Variants in TMPRSS15 observed in about 807,000 individuals in gnomAD.
TMPRSS15 encodes transmembrane serine protease 15.
In TMPRSS15, 128 loss-of-function variants were observed where a neutral mutation model predicts 125.3. The observed-to-expected ratio is 1.02, with a 90% confidence interval of 0.89 to 1.18. The LOEUF (loss-of-function observed/expected upper bound fraction) is 1.18, where lower values mean the gene tolerates loss of function less well. Ranked by LOEUF, TMPRSS15 falls within the 50% of genes most tolerant of loss-of-function variation. The pLI is 0.00. For synonymous variants in TMPRSS15, 446 were observed against 423.2 expected (o/e 1.05, Z -0.66); for missense variants, 1,283 against 1,212.7 (o/e 1.06, Z -0.86).
intron 14 of TMPRSS15, among the ~76,000 whole-genome samples, chr21:18,331,335 G>A (rs2075343529): frequency 6.6e-6 from 1 of 152,080 alleles, no homozygotes; most frequent in African/African-American, 2.4e-5. Flanking sequence ...TAGCTTAGTG[G>A]CCTTAACAAG....
intron 1 of TMPRSS15, among the ~76,000 whole-genome samples, chr21:18,437,521 C>T (rs935090784): frequency 7.2e-5 from 11 of 152,122 alleles, no homozygotes; most frequent in Admixed American, 1.3e-4. Context: ...AAAAAACTAC[C>T]GTCAGAGTGA....
At chr21:18,362,059 C>T (rs913526439) in intron 7 of TMPRSS15, among the ~76,000 whole-genome samples, 1 of 152,058 alleles carries the variant, frequency 6.6e-6, no homozygotes, top group Non-Finnish European at 1.5e-5. Flanking sequence ...AGATGCTACA[C>T]TCATGGCTAC....
intron 1 of TMPRSS15, among the ~76,000 whole-genome samples, chr21:18,400,987 A>G (rs922455702): frequency 5.4e-4 from 83 of 152,318 alleles, no homozygotes; most frequent in African/African-American, 1.8e-3. Flanking sequence ...AATACTCATC[A>G]CCACTAATCA....
At chr21:18,442,863 C>T (rs769040956) in intron 1 of TMPRSS15, among the ~76,000 whole-genome samples, 16 of 152,134 alleles carry the variant, frequency 1.1e-4, no homozygotes, top group South Asian at 2.1e-4. Context: ...ACGATTCTGA[C>T]GTATCAATTC....
At chr21:18,395,633 T>A (rs2095200906) in intron 3 of TMPRSS15, among the ~76,000 whole-genome samples, 1 of 152,208 alleles carries the variant, frequency 6.6e-6, no homozygotes, top group Non-Finnish European at 1.5e-5. Flanking sequence ...CTTAACCTTT[T>A]CAAAAATAAT....
chr21:18,453,229 G>C (rs901894153), intron 1 of TMPRSS15, among the ~76,000 whole-genome samples: 1 of 151,964 alleles, frequency 6.6e-6, no homozygotes, highest in Non-Finnish European at 1.5e-5. Context: ...TTAAATCCAG[G>C]CATCTGGATC....
intron 24 of TMPRSS15, among the ~76,000 whole-genome samples, chr21:18,272,873 C>G (rs2074576386): frequency 6.6e-6 from 1 of 151,946 alleles, no homozygotes; most frequent in African/African-American, 2.4e-5. Flanking sequence ...AAATCAGTAC[C>G]TTCTTTGAGT....
At chr21:18,322,332 C>A (rs974709087) in intron 16 of TMPRSS15, among the ~76,000 whole-genome samples, 1 of 152,186 alleles carries the variant, frequency 6.6e-6, no homozygotes, top group Admixed American at 6.5e-5. Context: ...AATATAAAAA[C>A]TAAAAATATA....
At chr21:18,385,191 T>C (rs936654499) in intron 3 of TMPRSS15, among the ~76,000 whole-genome samples, 2 of 152,236 alleles carry the variant, frequency 1.3e-5, no homozygotes, top group African/African-American at 4.8e-5. Flanking sequence ...TAGCCAAATC[T>C]TGTAAATGAG....
chr21:18,279,103 G>T (rs1601256613), intron 22 of TMPRSS15, 44 bp from the exon 23 acceptor site: 2 of 997,136 alleles, frequency 2.0e-6, no homozygotes, highest in East Asian at 2.6e-5. Flanking sequence ...CGAAGAAAAA[G>T]AAAGAACAGA....
intron 8 of TMPRSS15, among the ~76,000 whole-genome samples, chr21:18,356,034 A>C (rs548551726): frequency 1.1e-4 from 16 of 152,014 alleles, no homozygotes; most frequent in African/African-American, 3.9e-4. Context: ...ACAACTGATA[A>C]ATTTTTAGAC....
At chr21:18,372,132 G>GTGTGTGTGTGTGTA in intron 6 of TMPRSS15, 61 bp downstream of exon 6, 1 of 1,427,528 alleles carries the variant, frequency 7.0e-7, no homozygotes, top group Non-Finnish European at 9.8e-7. Flanking sequence ...GTGTGTGTGT[G>GTGTGTGTGTGTGTA]TGTGTGTCTA....
At chr21:18,302,194 C>G (rs2074980000) in intron 18 of TMPRSS15, among the ~76,000 whole-genome samples, 1 of 152,104 alleles carries the variant, frequency 6.6e-6, no homozygotes, top group Admixed American at 6.5e-5. Context: ...CATTTCACAC[C>G]CCAAAAGGTT....
chr21:18,461,267 A>C (rs1302100881), intron 1 of TMPRSS15, among the ~76,000 whole-genome samples: 1 of 152,122 alleles, frequency 6.6e-6, no homozygotes, highest in Non-Finnish European at 1.5e-5. Context: ...GTTTTTCTAC[A>C]TGTAGTTACA....
intron 7 of TMPRSS15, among the ~76,000 whole-genome samples, chr21:18,364,842 T>C (rs1201708640): frequency 6.6e-6 from 1 of 152,168 alleles, no homozygotes; most frequent in African/African-American, 2.4e-5. Flanking sequence ...TACACAGACA[T>C]ACATGTATGT....
intron 1 of TMPRSS15, among the ~76,000 whole-genome samples, chr21:18,460,899 T>A (rs1978539413): frequency 6.6e-6 from 1 of 152,180 alleles, no homozygotes; most frequent in African/African-American, 2.4e-5. Context: ...TTATTGCTAT[T>A]TCCTTCAATG....
Position 18,359,801 on chromosome 21 carries a change from A to C in TMPRSS15, c.836T>G (p.Ile279Arg). Residue 279 changes from isoleucine to arginine, a missense_variant, in exon 8 of 25, where the codon ATA becomes AGA. Coordinates refer to ENST00000284885, the MANE Select transcript of TMPRSS15 (RefSeq NM_002772.3). ...TCCTACACCTTCATAAATATCTAAT[A>C]TATCTGTATAATATGTATTAAAATC... The part of the protein sequence containing the change: ...FDDFNTYYTD[I>R]LDIYEGVGSS... 5 of 1,519,494 alleles carry C rather than the reference A, an allele frequency of 3.3e-6. No individual in the cohort carries two copies. Among genetic ancestry groups the C allele is most frequent in the Non-Finnish European group, 4.6e-6 (5 of 1,096,566 alleles). 94.1% of individuals were successfully genotyped at this position (1,519,494 alleles called of 1,614,324 possible).
At chr21:18,303,918 C>T (rs777794952) in intron 18 of TMPRSS15, among the ~76,000 whole-genome samples, 4 of 152,034 alleles carry the variant, frequency 2.6e-5, no homozygotes, top group African/African-American at 7.2e-5. Flanking sequence ...TGCAAAGAAA[C>T]GACATTTCAC....
At position 18,482,149 on chromosome 21, in the gene TMPRSS15, T is replaced by G. The variant is rs543195216; in HGVS notation, c.10+3650A>C. Among the ~76,000 whole-genome samples the G allele has an allele frequency of 3.3e-5, 5 of 151,574 alleles. No homozygotes were observed. In the South Asian group the frequency reaches 1.0e-3, roughly 31 times the overall value. Reference sequence around the variant, plus strand: ...GTATTGCTTCATTTTTTTCATTTTCTTCTCATCATATTAACCAACTTAAAT... The same window carrying G: ...GTATTGCTTCATTTTTTTCATTTTCGTCTCATCATATTAACCAACTTAAAT... On this transcript the variant is annotated intron_variant, in intron 1 of 7. Transcript: ENST00000422787.
Sources: gnomAD v4.1 joint callset for allele counts (sites outside exome capture counted in the v4.1 genomes callset) on GRCh38, gnomAD v4.1.1 for gene constraint, MANE v1.5 for transcripts, NCBI Gene and HGNC (gene_info 2026-07-23, HGNC 2026-07-21) for gene names.